Variants in ADGRF5 observed in about 807,000 individuals in gnomAD.
The protein encoded by ADGRF5 is adhesion G protein-coupled receptor F5.
A neutral mutation model predicts 132.3 loss-of-function variants in ADGRF5; 75 were observed. The ratio of observed to expected loss-of-function variants is 0.57; its 90% CI spans 0.47 to 0.69. ADGRF5 has a LOEUF of 0.69. Among genes scored for constraint, ADGRF5 ranks in the 30% least tolerant of loss-of-function variants. ADGRF5 has a pLI of 0.00. For synonymous variants in ADGRF5, 629 were observed against 597.6 expected, an observed-to-expected ratio of 1.05 and a Z score of -0.77; for missense variants, 1,516 against 1,630.6, an observed-to-expected ratio of 0.93 and a Z score of 1.21.
intron 1 of ADGRF5, among the ~76,000 whole-genome samples, chr6:46,927,032 G>C (rs1320425075): frequency 1.3e-5 from 2 of 152,044 alleles, no homozygotes; most frequent in Admixed American, 6.5e-5. Context: ...GCAGAATCCT[G>C]GTTTGGGACT....
At chr6:46,859,942 G>C (rs1244152437) in intron 16 of ADGRF5, among the ~76,000 whole-genome samples, 1 of 151,820 alleles carries the variant, frequency 6.6e-6, no homozygotes, top group Non-Finnish European at 1.5e-5. Flanking sequence ...CATCCGCCTC[G>C]GCCTCCCAAA....
intron 2 of ADGRF5, among the ~76,000 whole-genome samples, chr6:46,903,849 G>T (rs1775025875): frequency 6.6e-6 from 1 of 152,122 alleles, no homozygotes; most frequent in Non-Finnish European, 1.5e-5. Context: ...ATAAGCACTT[G>T]GGCTCTGTGC....
intron 10 of ADGRF5, among the ~76,000 whole-genome samples, chr6:46,875,118 T>C (rs901020640): frequency 1.3e-5 from 2 of 152,210 alleles, no homozygotes; most frequent in Non-Finnish European, 2.9e-5. Context: ...AGCAGCAGCA[T>C]GCAGGTCTTG....
At chr6:46,935,079 C>T (rs1777752795) in intron 1 of ADGRF5, among the ~76,000 whole-genome samples, 1 of 143,186 alleles carries the variant, frequency 7.0e-6, no homozygotes, top group Non-Finnish European at 1.5e-5. Context: ...TCTTGGCTCA[C>T]TGCAACCTCC....
rs1392029475 is a variant in ADGRF5 at position 46,871,904 on chromosome 6, C to T, written c.1350G>A (p.Glu450=). Residue 450 remains glutamate (E), a synonymous_variant, in exon 11 of 21, where the codon GAG becomes GAA. Coordinates refer to ENST00000283296, the MANE Select transcript of ADGRF5 (RefSeq NM_001098518.2). ...SSGTTVIYTC[E]FISAYGARGS... ...CTCTGGCTCCATAGGCACTGATGAACTCACAAGTGTAGATGACTGTTGTTC... is the reference window on the plus strand; with the variant it reads ...CTCTGGCTCCATAGGCACTGATGAATTCACAAGTGTAGATGACTGTTGTTC... The T allele has an allele frequency of 2.5e-6, 4 of 1,612,738 alleles. No individual in the cohort carries two copies. The highest frequency in any genetic ancestry group is 3.4e-6 in the Non-Finnish European group (4 of 1,179,028).
intron 3 of ADGRF5, among the ~76,000 whole-genome samples, chr6:46,897,982 CA>C (rs1774358585): frequency 6.6e-6 from 1 of 152,190 alleles, no homozygotes; most frequent in South Asian, 2.1e-4. Flanking sequence ...GATTCATTAA[CA>C]CTTCCCAAAT....
chr6:46,902,975 G>A (rs1384422951), intron 2 of ADGRF5, among the ~76,000 whole-genome samples: 3 of 152,136 alleles, frequency 2.0e-5, no homozygotes, highest in Admixed American at 1.3e-4. Context: ...TTTAGGAGAT[G>A]TCATTCACTC....
chr6:46,854,161 G>A (rs1768773865), intron 20 of ADGRF5, 90 bp from the exon 21 acceptor site: 1 of 874,172 alleles, frequency 1.1e-6, no homozygotes, highest in East Asian at 2.9e-5. Context: ...GGGGAGCAGT[G>A]GTCCAGGTGC....
intron 1 of ADGRF5, among the ~76,000 whole-genome samples, chr6:46,942,168 C>T (rs1256909292): frequency 6.6e-6 from 1 of 152,138 alleles, no homozygotes; most frequent in Non-Finnish European, 1.5e-5. Context: ...TGTACACCTC[C>T]CATCACCTCC....
At chr6:46,897,649 A>C (rs926693355) in intron 3 of ADGRF5, among the ~76,000 whole-genome samples, 3 of 152,236 alleles carry the variant, frequency 2.0e-5, no homozygotes, top group South Asian at 4.1e-4. Flanking sequence ...ATCTCAGCTC[A>C]CTGCAACCTC....
At chr6:46,909,329 T>G (rs1775702170) in intron 1 of ADGRF5, among the ~76,000 whole-genome samples, 1 of 152,158 alleles carries the variant, frequency 6.6e-6, no homozygotes, top group Non-Finnish European at 1.5e-5. Context: ...TCAGATGTCA[T>G]TCCCGATCTC....
chr6:46,882,775 C>T (rs1772622242), intron 6 of ADGRF5, among the ~76,000 whole-genome samples: 1 of 152,250 alleles, frequency 6.6e-6, no homozygotes, highest in Non-Finnish European at 1.5e-5. Flanking sequence ...GTAAATCAAA[C>T]ATCCAAGAGC....
chr6:46,943,335 T>G (rs1778170281), intron 1 of ADGRF5, among the ~76,000 whole-genome samples: 1 of 152,354 alleles, frequency 6.6e-6, no homozygotes, highest in Middle Eastern at 3.4e-3. Flanking sequence ...TTTTTAAATC[T>G]TATACTTTTC....
In ADGRF5 at chr6:46,856,891, G is replaced by C. The variant is rs769370223; in HGVS notation, c.3792C>G (p.Leu1264=). The change falls in exon 18 of 21, where the codon CTC becomes CTG. Residue 1264 remains leucine, a synonymous_variant. Coordinates refer to ENST00000283296, the MANE Select transcript of ADGRF5 (RefSeq NM_001098518.2). Reference sequence around the variant, plus strand: ...CCTTCAGATCCCAGAGGCATCCAAAGAGTAAAATGAATAATCCCTGAGAAA... The same window carrying C: ...CCTTCAGATCCCAGAGGCATCCAAACAGTAAAATGAATAATCCCTGAGAAA... The part of the protein sequence containing the change: ...LNVFQGLFIL[L]FGCLWDLKVQ... 1 of 1,608,236 alleles carries C rather than the reference G, an allele frequency of 6.2e-7. No individual in the cohort carries two copies. The highest frequency in any genetic ancestry group is 1.1e-5 in the South Asian group (1 of 90,896).
chr6:46,943,910 G>T (rs1279784329), intron 1 of ADGRF5, among the ~76,000 whole-genome samples: 2 of 152,186 alleles, frequency 1.3e-5, no homozygotes, highest in East Asian at 3.9e-4. Context: ...TCAGCGGGAA[G>T]AATGTTCCTG....
chr6:46,871,058 A>G (rs887662930), intron 11 of ADGRF5, among the ~76,000 whole-genome samples: 3 of 151,586 alleles, frequency 2.0e-5, no homozygotes, highest in Non-Finnish European at 4.4e-5. Flanking sequence ...ATCTTTGTAA[A>G]AATGCTAAGT....
chr6:46,953,160 C>A (rs1778564080), intron 1 of ADGRF5, among the ~76,000 whole-genome samples: 1 of 152,144 alleles, frequency 6.6e-6, no homozygotes, highest in Non-Finnish European at 1.5e-5. Context: ...GCTTCTCAAA[C>A]TTTAATGTGC....
chr6:46,953,683 A>ATATATATATC (rs1778610624), intron 1 of ADGRF5, among the ~76,000 whole-genome samples: 7 of 126,642 alleles, frequency 5.5e-5, no homozygotes, highest in African/African-American at 2.0e-4. Context: ...ATATATATAT[A>ATATATATATC]TATATATCTC....
chr6:46,871,402 G>A (rs1771043549), intron 11 of ADGRF5, among the ~76,000 whole-genome samples: 1 of 152,174 alleles, frequency 6.6e-6, no homozygotes, highest in African/African-American at 2.4e-5. Context: ...GGGAGAGGAG[G>A]AATGAGGAAG....
Sources: allele counts gnomAD v4.1 joint callset (sites outside exome capture counted in the v4.1 genomes callset), GRCh38; gene constraint gnomAD v4.1.1; transcripts MANE v1.5; gene names NCBI Gene and HGNC (gene_info 2026-07-23, HGNC 2026-07-21).